The following DDB1 variants were observed in gnomAD, a reference collection of about 807,000 sequenced individuals.
DDB1 encodes damage specific DNA binding protein 1.
DDB1 carries 18 observed loss-of-function variants against 133.1 expected under a neutral mutation model. The ratio of observed to expected loss-of-function variants is 0.14; its 90% CI spans 0.09 to 0.20. The LOEUF is 0.20. DDB1 is among the 10% of genes least tolerant of loss of function. DDB1 has a pLI of 1.00. For synonymous variants in DDB1, 580 were observed against 550.5 expected, an observed-to-expected ratio of 1.05 and a Z score of -0.75; for missense variants, 828 against 1,459.2, an observed-to-expected ratio of 0.57 and a Z score of 7.05.
chr11:61,324,030 C>T lies in DDB1; in HGVS notation c.870G>A (p.Gln290=), dbSNP rs1856229240. The change falls in exon 7 of 27, where the codon CAG becomes CAA. Residue 290 remains glutamine, a synonymous_variant. Transcript: ENST00000301764. ...CCTTGAGAGTGACGGTGCCATCCAT[C>T]TGTTCCTCCTTCTCCAAAAGCAGCA... ...LFMLLLEKEE[Q]MDGTVTLKDL... is the part of the protein sequence containing the mutation. 2 of 1,614,108 alleles carry T rather than the reference C, an allele frequency of 1.2e-6. No individual in the cohort carries two copies. Among genetic ancestry groups the T allele is most frequent in the African/African-American group, 2.7e-5 (2 of 74,922 alleles).
intron 26 of DDB1, 129 bp downstream of exon 26, chr11:61,300,680 G>C: frequency 3.5e-6 from 5 of 1,418,494 alleles, no homozygotes; most frequent in Non-Finnish European, 9.6e-7. Flanking sequence ...CCTTCCATCT[G>C]GTAAGGATTA....
intron 6 of DDB1, chr11:61,324,458 A>T: frequency 4.3e-6 from 1 of 232,832 alleles, no homozygotes; most frequent in African/African-American, 2.2e-5. Context: ...ATGCTACTAC[A>T]AATGTTGTTA....
Position 61,302,583 on chromosome 11 carries a change from T to A in DDB1, c.3111A>T (p.Ile1037=). 2 of 1,614,170 alleles carry A rather than the reference T, an allele frequency of 1.2e-6. No individual in the cohort carries two copies. The highest frequency in any genetic ancestry group is 1.3e-5 in the African/African-American group (1 of 75,044). The change falls in exon 24 of 27, where the codon ATA becomes ATT. Residue 1037 remains isoleucine (I), a splice_region_variant and synonymous_variant. Coordinates refer to ENST00000301764, the MANE Select transcript of DDB1 (RefSeq NM_001923.5). ...SVLFGTVNGM[I]GLVTSLSESW... ...TGTGCCCCACAGGGGTGACCTTACCTATCATGCCGTTGACCGTGCCGAAGA... is the reference window on the plus strand; with the variant it reads ...TGTGCCCCACAGGGGTGACCTTACCAATCATGCCGTTGACCGTGCCGAAGA...
chr11:61,300,731 T>A (rs1590675799), intron 26 of DDB1, 78 bp downstream of exon 26: 11 of 1,577,260 alleles, frequency 7.0e-6, no homozygotes, highest in Middle Eastern at 1.8e-4. Flanking sequence ...GGAGGAGAGG[T>A]GCCCAGAGAC....
Position 61,324,034 on chromosome 11 carries a change from T to C in DDB1, c.866A>G (p.Glu289Gly). 6.2e-7 allele frequency: 1 copy of C among 1,614,190 alleles called. No homozygotes were observed. The highest frequency in any genetic ancestry group is 8.5e-7 in the Non-Finnish European group (1 of 1,180,030). Residue 289 changes from glutamate (E) to glycine (G), a missense_variant, in exon 7 of 27, where the codon GAA becomes GGA. Around this residue, in one of 7 missense-constraint regions of DDB1, gnomAD observed 35 missense variants for 57.5 expected, o/e 0.61. Coordinates refer to ENST00000301764, the MANE Select transcript of DDB1 (RefSeq NM_001923.5). The stretch of plus-strand genomic sequence containing the variant: ...GAGAGTGACGGTGCCATCCATCTGT[T>C]CCTCCTTCTCCAAAAGCAGCATGAA... ...RLFMLLLEKE[E>G]QMDGTVTLKD...
At chr11:61,318,588 TA>T (rs1365065593) in intron 10 of DDB1, among the ~76,000 whole-genome samples, 2 of 152,202 alleles carry the variant, frequency 1.3e-5, no homozygotes, top group Admixed American at 1.3e-4. Context: ...ATAAATATGT[TA>T]TAAATTAGGA....
intron 21 of DDB1, among the ~76,000 whole-genome samples, chr11:61,304,551 G>A (rs1237910912): frequency 2.0e-5 from 3 of 152,082 alleles, no homozygotes; most frequent in African/African-American, 7.2e-5. Context: ...TGATTCTACA[G>A]CCACCCTCTA....
intron 12 of DDB1, chr11:61,315,959 T>G: frequency 5.1e-6 from 1 of 198,002 alleles, no homozygotes; most frequent in Non-Finnish European, 1.0e-5. Context: ...AGGGAAAAAA[T>G]TTGAGTGTCT....
chr11:61,324,767 G>A (rs1856242306), intron 6 of DDB1, among the ~76,000 whole-genome samples: 1 of 152,136 alleles, frequency 6.6e-6, no homozygotes, highest in Admixed American at 6.5e-5. Flanking sequence ...CTAAGTCCTT[G>A]ACATTTTTGA....
chr11:61,322,816 C>T, intron 8 of DDB1, 195 bp downstream of exon 8: 1 of 589,810 alleles, frequency 1.7e-6, no homozygotes, highest in Non-Finnish European at 3.0e-6. Context: ...AGCACCTTGC[C>T]TGGCAAATTT....
intron 10 of DDB1, 58 bp from the exon 11 acceptor site, chr11:61,316,625 T>C: frequency 6.3e-7 from 1 of 1,581,412 alleles, no homozygotes; most frequent in Non-Finnish European, 8.7e-7. Context: ...AGCATGCATA[T>C]CTACGGACAG....
At chr11:61,324,428 C>A in intron 6 of DDB1, 1 of 321,388 alleles carries the variant, frequency 3.1e-6, no homozygotes. Flanking sequence ...AAGCTGCTGC[C>A]AAAATCTACT....
chr11:61,306,665 C>T (rs772998266), intron 21 of DDB1, among the ~76,000 whole-genome samples: 9 of 152,148 alleles, frequency 5.9e-5, no homozygotes, highest in Non-Finnish European at 8.8e-5. Flanking sequence ...TCGTGTCCTC[C>T]GCTCTGCCTC....
intron 1 of DDB1, 128 bp from the exon 2 acceptor site, chr11:61,331,819 TC>T: frequency 7.8e-7 from 1 of 1,289,258 alleles, no homozygotes; most frequent in Non-Finnish European, 1.1e-6. Flanking sequence ...TCCAACTCCC[TC>T]CAGCTACTCC....
chr11:61,302,730 C>T lies in DDB1; in HGVS notation c.2964G>A (p.Glu988=). Reference sequence around the variant, plus strand: ...GACCAACCTCCTGGAGGTGCTGCCGCTCCTCGTCAGTGGTGGCAGCGCTGA... The same window carrying T: ...GACCAACCTCCTGGAGGTGCTGCCGTTCCTCGTCAGTGGTGGCAGCGCTGA... ...QKDSAATTDE[E]RQHLQEVGLF... Residue 988 remains glutamate (E), a synonymous_variant, in exon 24 of 27, where the codon GAG becomes GAA. Transcript: ENST00000301764. The T allele has an allele frequency of 1.2e-6, 2 of 1,614,256 alleles. No individual in the cohort carries two copies. Among genetic ancestry groups the T allele is most frequent in the Non-Finnish European group, 1.7e-6 (2 of 1,180,038 alleles).
intron 7 of DDB1, 97 bp downstream of exon 7, chr11:61,323,882 G>T: frequency 7.2e-7 from 1 of 1,382,646 alleles, no homozygotes; most frequent in Non-Finnish European, 1.0e-6. Flanking sequence ...TAGGTGTTAA[G>T]TAACATAATT....
At chr11:61,326,083 C>T (rs1415848381) in intron 5 of DDB1, 2 of 307,222 alleles carry the variant, frequency 6.5e-6, no homozygotes, top group East Asian at 1.8e-4. Context: ...TAACTTCCCC[C>T]CATTATCAGG....
intron 15 of DDB1, 68 bp downstream of exon 15, chr11:61,313,794 C>A: frequency 6.3e-7 from 1 of 1,594,362 alleles, no homozygotes; most frequent in Non-Finnish European, 8.6e-7. Flanking sequence ...AACCCTGGGA[C>A]TAAGAATTCT....
In DDB1 at chr11:61,299,758, C is replaced by T. The variant is rs1391981555; in HGVS notation, c.*378G>A. On this transcript the variant is annotated 3_prime_UTR_variant, in exon 27 of 27. Transcript: ENST00000301764. ...ACTGCCAATCTAAATAAAAAGAGGA[C>T]AATGCATGAGTGTGAGATACACATA... is the stretch of plus-strand genomic sequence containing the variant. 2.7e-5 allele frequency: 7 copies of T among 263,724 alleles called. No individual in the cohort carries two copies. Among genetic ancestry groups the T allele is most frequent in the Non-Finnish European group, 4.5e-5 (6 of 134,526 alleles). The allele number at this position is 263,724 out of a possible 1,614,324, so 16.3% of individuals were successfully genotyped here. A position where few individuals can be genotyped will look rare whatever the true frequency, so the allele number is the denominator to read the frequency against.
Sources: gnomAD v4.1 joint callset for allele counts (sites outside exome capture counted in the v4.1 genomes callset) on GRCh38, gnomAD v4.1.1 for gene constraint, gnomAD v4.1.1 regional missense constraint, MANE v1.5 for transcripts, NCBI Gene and HGNC (gene_info 2026-07-23, HGNC 2026-07-21) for gene names.